RAB43: variants seen among roughly 807,000 people sequenced by gnomAD.
RAB43 encodes RAB43, member RAS oncogene family.
In RAB43, 6 loss-of-function variants were observed where a neutral mutation model predicts 18.8. The observed-to-expected ratio is 0.32, with a 90% CI of 0.17 to 0.63. RAB43 has a LOEUF of 0.63. RAB43 is among the 30% of genes least tolerant of loss of function. The pLI is 0.79. For synonymous variants in RAB43, 103 were observed against 124.1 expected (o/e 0.83, Z 1.13); for missense variants, 195 against 289.1 (o/e 0.67, Z 2.36).
chr3:129,121,687 G>A lies in RAB43; in HGVS notation c.-198C>T, dbSNP rs1935944743. 3.4e-6 allele frequency: 1 copy of A among 290,470 alleles called. No homozygotes were observed. Among genetic ancestry groups the A allele is most frequent in the Admixed American group, 8.2e-5 (1 of 12,230 alleles). The allele number at this position is 290,470 out of a possible 1,614,324, so 18.0% of individuals were successfully genotyped here. Reference sequence around the variant, plus strand: ...CCCCACCCCGGCTGGCTCCCGCCCCGGCCCGGCTCGGCCCCGCCCGGACCC... The same window carrying A: ...CCCCACCCCGGCTGGCTCCCGCCCCAGCCCGGCTCGGCCCCGCCCGGACCC... On this transcript the variant is annotated 5_prime_UTR_variant, in exon 1 of 3. Transcript: ENST00000315150.
intron 1 of RAB43, among the ~76,000 whole-genome samples, chr3:129,104,518 G>A (rs1245984291): frequency 1.3e-5 from 2 of 152,204 alleles, no homozygotes; most frequent in Non-Finnish European, 2.9e-5. Context: ...CTCCCAGAGT[G>A]TGTATGCTCA....
chr3:129,104,612 G>T (rs578140145), intron 1 of RAB43, among the ~76,000 whole-genome samples: 1 of 152,228 alleles, frequency 6.6e-6, no homozygotes, highest in African/African-American at 2.4e-5. Context: ...AAGGCTGCAA[G>T]GGTTTCAGTC....
intron 2 of RAB43, among the ~76,000 whole-genome samples, chr3:129,094,507 T>TTC (rs1407239585): frequency 4.1e-4 from 37 of 90,686 alleles, no homozygotes; most frequent in African/African-American, 1.7e-3. Context: ...ATAACTTTCT[T>TTC]TTTTTTTTTT....
At chr3:129,100,060 C>A (rs576043763) in intron 1 of RAB43, among the ~76,000 whole-genome samples, 5 of 152,052 alleles carry the variant, frequency 3.3e-5, no homozygotes, top group Admixed American at 3.3e-4. Context: ...ACAAAATACA[C>A]AAAAGCAGAT....
At position 129,107,029 on chromosome 3, in the gene RAB43, G is replaced by T. The variant is rs572160358; in HGVS notation, c.205-11860C>A. Among the ~76,000 whole-genome samples the T allele has an allele frequency of 6.6e-6, 1 of 152,346 alleles. No homozygotes were observed. Among genetic ancestry groups the T allele is most frequent in the South Asian group, 2.1e-4 (1 of 4,828 alleles). ...CGTTTTGCAGGCCTGGTGAAAGCAA[G>T]GGGCCAGAGGCCATGAAAGCCAGGA... is the stretch of plus-strand genomic sequence containing the variant. On this transcript the variant is annotated intron_variant, in intron 1 of 2. Transcript: ENST00000315150. The surrounding 1 kb of genome is among the most constrained non-coding windows in gnomAD (Gnocchi z 4.2).
chr3:129,098,639 G>A (rs1934208078), intron 1 of RAB43, among the ~76,000 whole-genome samples: 1 of 152,098 alleles, frequency 6.6e-6, no homozygotes, highest in Non-Finnish European at 1.5e-5. Flanking sequence ...TTTTAAATAT[G>A]TTCAGAAAAT....
chr3:129,102,842 G>A (rs930854340), intron 1 of RAB43, among the ~76,000 whole-genome samples: 9 of 152,104 alleles, frequency 5.9e-5, no homozygotes, highest in Non-Finnish European at 1.2e-4. Flanking sequence ...ACCCAAGGGA[G>A]GCTGGATGAG....
rs922834 is a variant in RAB43 at position 129,107,432 on chromosome 3, G to A, written c.205-12263C>T. Among the ~76,000 whole-genome samples the A allele has an allele frequency of 7.1e-3, 1,085 of 152,004 alleles. 8 individuals are homozygous for A. The highest frequency in any genetic ancestry group is 0.02 in the African/African-American group (818 of 41,446). Reference sequence around the variant, plus strand: ...CCTCTTCCGGGTATTCCTCTTCCTCGCAGGAAGCTAAGGGCATCCACGACC... The same window carrying A: ...CCTCTTCCGGGTATTCCTCTTCCTCACAGGAAGCTAAGGGCATCCACGACC... On this transcript the variant is annotated intron_variant, in intron 1 of 2. Transcript: ENST00000315150. This position sits in a 1 kb window ranked among gnomAD's most constrained non-coding sequence, Gnocchi z 4.2.
At chr3:129,106,604 G>A (rs1454166838) in intron 1 of RAB43, among the ~76,000 whole-genome samples, 2 of 152,246 alleles carry the variant, frequency 1.3e-5, no homozygotes, top group East Asian at 1.9e-4. Flanking sequence ...GACAGGTGGA[G>A]AGAGACCAAA....
chr3:129,101,121 C>T (rs1013634741), intron 1 of RAB43, among the ~76,000 whole-genome samples: 14 of 152,130 alleles, frequency 9.2e-5, no homozygotes, highest in African/African-American at 2.9e-4. Flanking sequence ...GTTTTTCATC[C>T]GTACAAAAAG....
At chr3:129,092,058 T>TAAAA (rs1012657876) in intron 2 of RAB43, among the ~76,000 whole-genome samples, 1 of 59,588 alleles carries the variant, frequency 1.7e-5, no homozygotes, top group Non-Finnish European at 3.5e-5. Context: ...AACTCCGTCA[T>TAAAA]AAAAAAAAAA....
intron 1 of RAB43, among the ~76,000 whole-genome samples, chr3:129,111,461 G>A (rs780505949): frequency 3.3e-4 from 48 of 146,656 alleles, no homozygotes; most frequent in Admixed American, 1.4e-4. Flanking sequence ...GTTGCAATGA[G>A]CTGAGATGGC....
At chr3:129,118,073 T>C (rs528842123) in intron 1 of RAB43, among the ~76,000 whole-genome samples, 12 of 152,312 alleles carry the variant, frequency 7.9e-5, no homozygotes, top group South Asian at 4.1e-4. Flanking sequence ...GGCATTTGCG[T>C]TGGGACCTGA....
rs1279325751 is a variant in RAB43 at position 129,094,543 on chromosome 3, C to A, written c.388+443G>T. On this transcript the variant is annotated intron_variant, in intron 2 of 2. Coordinates refer to ENST00000315150, the MANE Select transcript of RAB43 (RefSeq NM_198490.3). ...TTTTTTTTTTTTTTTTGAGACGAATCTTGCTCTGTCACCCAGGTTGGAGTG... is the reference window on the plus strand; with the variant it reads ...TTTTTTTTTTTTTTTTGAGACGAATATTGCTCTGTCACCCAGGTTGGAGTG... 3.6e-5 allele frequency among the ~76,000 whole-genome samples: 3 copies of A among 83,440 alleles called. No individual in the cohort carries two copies. The Admixed American group carries it at 6.2e-4, about 17-fold the overall frequency. 54.7% of individuals were successfully genotyped at this position (83,440 alleles called of 152,430 possible). A position where few individuals can be genotyped will look rare whatever the true frequency, so the allele number is the denominator to read the frequency against.
rs1427559710 is a variant in RAB43 at position 129,121,737 on chromosome 3, C to T, written c.-248G>A. 1.1e-5 allele frequency: 3 copies of T among 268,466 alleles called. No individual in the cohort carries two copies. Among genetic ancestry groups the T allele is most frequent in the East Asian group, 7.0e-5 (1 of 14,372 alleles). 16.6% of individuals were successfully genotyped at this position (268,466 alleles called of 1,614,324 possible). A position where few individuals can be genotyped will look rare whatever the true frequency, so the allele number is the denominator to read the frequency against. On this transcript the variant is annotated 5_prime_UTR_variant, in exon 1 of 3. Transcript: ENST00000315150. ...CGGTGCCCCGCGGGTTCGGCTCCCC[C>T]CCGGACCCGCCAAGCCGGGCCCTCC...
At chr3:129,096,542 G>A (rs1045900380) in intron 1 of RAB43, among the ~76,000 whole-genome samples, 4 of 152,144 alleles carry the variant, frequency 2.6e-5, no homozygotes, top group South Asian at 4.1e-4. Flanking sequence ...CACATAACAC[G>A]AAAGACACCG....
At position 129,121,454 on chromosome 3, in the gene RAB43, G is replaced by T. The variant is rs763902716; in HGVS notation, c.36C>A (p.Asp12Glu). The T allele has an allele frequency of 2.5e-6, 4 of 1,612,726 alleles. No homozygotes were observed. The South Asian group carries it at 4.4e-5, about 18-fold the overall frequency. Reference sequence around the variant, plus strand: ...GCTTGAACAGGAAATCGTACTGCTCGTCCGGGTCCCCCGGGCCTGGGCCCG... The same window carrying T: ...GCTTGAACAGGAAATCGTACTGCTCTTCCGGGTCCCCCGGGCCTGGGCCCG... Reference protein sequence around the residue: ...AGPGPGPGDPDEQYDFLFKLV... With the variant: ...AGPGPGPGDPEEQYDFLFKLV... The change falls in exon 1 of 3, where the codon GAC becomes GAA. Residue 12 changes from aspartate to glutamate, a missense_variant. By Grantham distance (45) the Asp-to-Glu change is conservative. Transcript: ENST00000315150.
chr3:129,116,751 A>G (rs1029032806), intron 1 of RAB43, among the ~76,000 whole-genome samples: 8 of 152,210 alleles, frequency 5.3e-5, no homozygotes, highest in African/African-American at 1.9e-4. Flanking sequence ...AGTGAGCCTG[A>G]GAGAGAGCTG....
intron 2 of RAB43, among the ~76,000 whole-genome samples, chr3:129,093,393 C>T (rs559344717): frequency 5.9e-5 from 9 of 152,194 alleles, no homozygotes; most frequent in Non-Finnish European, 8.8e-5. Context: ...GGGTGGATCA[C>T]GAGGTCAGGA....
Sources: gnomAD v4.1 joint callset for allele counts (sites outside exome capture counted in the v4.1 genomes callset) on GRCh38, gnomAD v4.1.1 for gene constraint, Gnocchi (gnomAD v3.1) non-coding constraint, MANE v1.5 for transcripts, NCBI Gene and HGNC (gene_info 2026-07-23, HGNC 2026-07-21) for gene names.